Variants in PIP4K2A observed in about 807,000 individuals in gnomAD.
PIP4K2A encodes the protein phosphatidylinositol 5-phosphate 4-kinase type-2 alpha.
In PIP4K2A, 14 loss-of-function variants were observed where a neutral mutation model predicts 42.9. That is an observed-to-expected ratio of 0.33 (90% CI 0.22 to 0.51). PIP4K2A has a LOEUF of 0.51. PIP4K2A is among the 20% of genes least tolerant of loss of function. The pLI is 0.97. For synonymous variants in PIP4K2A, 192 were observed against 192.2 expected (o/e 1.00, Z 0.01); for missense variants, 434 against 519.8 (o/e 0.83, Z 1.61).
In PIP4K2A at chr10:22,609,857, T is replaced by C. The variant is rs566141049; in HGVS notation, c.145-140A>G. The C allele has an allele frequency of 1.4e-4, 84 of 585,108 alleles. No homozygotes were observed. In the East Asian group the frequency reaches 2.4e-3, roughly 16 times the overall value. The allele number at this position is 585,108 out of a possible 1,614,324, so 36.2% of individuals were successfully genotyped here. ...CCCACCAACCCACCCTCCTTCCCTC[T>C]GCCATCATAATCTCTCTTCCTGCCT... On this transcript the variant is annotated intron_variant, in intron 1 of 9. Coordinates refer to ENST00000376573, the MANE Select transcript of PIP4K2A (RefSeq NM_005028.5).
chr10:22,618,854 T>C (rs1329844526), intron 1 of PIP4K2A, among the ~76,000 whole-genome samples: 1 of 152,222 alleles, frequency 6.6e-6, no homozygotes, highest in Non-Finnish European at 1.5e-5. Flanking sequence ...TCCAATTTGT[T>C]TGTAAAATGG....
intron 4 of PIP4K2A, among the ~76,000 whole-genome samples, chr10:22,584,964 G>A (rs901102802): frequency 1.3e-5 from 2 of 152,144 alleles, no homozygotes; most frequent in African/African-American, 4.8e-5. Context: ...ACTCACCGGG[G>A]GCACATGAGC....
rs545667431 is a variant in PIP4K2A, at chr10:22,636,220, C to G, written c.145-26503G>C. ...CTCAGGGAAGTACAGACACCCACCT[C>G]TGTCACCACAACTGATTTATTTTTC... On this transcript the variant is annotated intron_variant, in intron 1 of 9. Transcript: ENST00000376573. Among the ~76,000 whole-genome samples, 16 of 152,252 alleles carry G rather than the reference C, an allele frequency of 1.1e-4. No homozygotes were observed. In the South Asian group the frequency reaches 2.1e-3, roughly 20 times the overall value.
At chr10:22,594,087 G>A (rs898645535) in intron 3 of PIP4K2A, among the ~76,000 whole-genome samples, 2 of 152,178 alleles carry the variant, frequency 1.3e-5, no homozygotes, top group African/African-American at 4.8e-5. Flanking sequence ...GCAGGTCAGG[G>A]GTGGGGCATT....
At position 22,573,296 on chromosome 10, in the gene PIP4K2A, T is replaced by TA; in HGVS notation, c.639+14dup. The TA allele has an allele frequency of 3.1e-6, 5 of 1,609,354 alleles. No homozygotes were observed. The South Asian group carries it at 5.5e-5, about 18-fold the overall frequency. ...GCTTGAGTTACTTTACAAAAATTCA[T>TA]AAAATCAGTCTCACCTTTAAGTCGT... On this transcript the variant is annotated intron_variant, in intron 5 of 9. Transcript: ENST00000376573.
At chr10:22,568,205 AC>A (rs1836896416) in intron 5 of PIP4K2A, among the ~76,000 whole-genome samples, 2 of 152,170 alleles carry the variant, frequency 1.3e-5, no homozygotes, top group African/African-American at 2.4e-5. Context: ...GCAGTAACTT[AC>A]TCAACACTGG....
chr10:22,629,438 G>C (rs943502824), intron 1 of PIP4K2A, among the ~76,000 whole-genome samples: 1 of 152,042 alleles, frequency 6.6e-6, no homozygotes. Flanking sequence ...TTTTTATTTC[G>C]AGGAAAGCAA....
chr10:22,565,347 G>A (rs1221953316), intron 6 of PIP4K2A, among the ~76,000 whole-genome samples: 8 of 152,226 alleles, frequency 5.3e-5, no homozygotes, highest in African/African-American at 9.6e-5. Context: ...ACAGAAGAAC[G>A]TGGATTGTGA....
chr10:22,548,680 T>C (rs1048094435), intron 7 of PIP4K2A, among the ~76,000 whole-genome samples: 4 of 152,178 alleles, frequency 2.6e-5, no homozygotes, highest in African/African-American at 4.8e-5. Flanking sequence ...AACTAAACAT[T>C]CCTTAATGAA....
intron 1 of PIP4K2A, among the ~76,000 whole-genome samples, chr10:22,698,068 C>T (rs752219088): frequency 2.0e-5 from 3 of 152,040 alleles, no homozygotes; most frequent in South Asian, 2.1e-4. Context: ...TAGAGTCCGA[C>T]GAAGAAAAAC....
At chr10:22,640,704 C>T (rs770525050) in intron 1 of PIP4K2A, among the ~76,000 whole-genome samples, 9 of 152,170 alleles carry the variant, frequency 5.9e-5, no homozygotes, top group Non-Finnish European at 1.3e-4. Flanking sequence ...TCTCCTCCGC[C>T]TGGGAAAATG....
chr10:22,690,429 A>G (rs1839842812), intron 1 of PIP4K2A, among the ~76,000 whole-genome samples: 1 of 152,216 alleles, frequency 6.6e-6, no homozygotes, highest in Non-Finnish European at 1.5e-5. Context: ...GGAAATCATT[A>G]ACTCCACTAA....
intron 1 of PIP4K2A, among the ~76,000 whole-genome samples, chr10:22,710,711 T>C (rs1047818707): frequency 4.6e-5 from 7 of 152,196 alleles, no homozygotes; most frequent in African/African-American, 1.7e-4. Context: ...ACCTGACATT[T>C]TTGCCAAAGC....
rs1316766010 is a variant in PIP4K2A, at chr10:22,535,554, T to G, written c.*1647A>C. On this transcript the variant is annotated 3_prime_UTR_variant, in exon 10 of 10. Coordinates refer to ENST00000376573, the MANE Select transcript of PIP4K2A (RefSeq NM_005028.5). ...CAGTACGGCAGGGAGATCTGTTGAG[T>G]TGCAAGTAATAATTAAAGGGTCGAT... The G allele has an allele frequency of 6.6e-6, 1 of 152,204 alleles. No individual in the cohort carries two copies. The highest frequency in any genetic ancestry group is 1.5e-5 in the Non-Finnish European group (1 of 68,040). 9.4% of individuals were successfully genotyped at this position (152,204 alleles called of 1,614,324 possible). A position where few individuals can be genotyped will look rare whatever the true frequency, so the allele number is the denominator to read the frequency against.
At chr10:22,620,794 G>A (rs1295816818) in intron 1 of PIP4K2A, among the ~76,000 whole-genome samples, 2 of 152,188 alleles carry the variant, frequency 1.3e-5, no homozygotes, top group African/African-American at 4.8e-5. Flanking sequence ...GCCACCACAG[G>A]GCTCTGGTGC....
At chr10:22,557,453 CTTTG>C (rs1172030903) in intron 6 of PIP4K2A, among the ~76,000 whole-genome samples, 12 of 152,126 alleles carry the variant, frequency 7.9e-5, no homozygotes, top group Admixed American at 3.3e-4. Context: ...GAGTTAAATG[CTTTG>C]TTTGTTTGAA....
intron 1 of PIP4K2A, among the ~76,000 whole-genome samples, chr10:22,685,053 G>T (rs1286360532): frequency 6.6e-6 from 1 of 152,098 alleles, no homozygotes; most frequent in Non-Finnish European, 1.5e-5. Flanking sequence ...AACCACAGTA[G>T]ATCTGCCATG....
chr10:22,560,723 T>G (rs1836669787), intron 6 of PIP4K2A, among the ~76,000 whole-genome samples: 1 of 152,238 alleles, frequency 6.6e-6, no homozygotes, highest in South Asian at 2.1e-4. Flanking sequence ...GATCTTCTTA[T>G]TGTGACCCTA....
chr10:22,634,825 T>C (rs1191887426), intron 1 of PIP4K2A, among the ~76,000 whole-genome samples: 1 of 152,194 alleles, frequency 6.6e-6, no homozygotes, highest in African/African-American at 2.4e-5. Context: ...TGACCTTTAC[T>C]AGGCTGTAAA....
Sources: allele counts gnomAD v4.1 joint callset (sites outside exome capture counted in the v4.1 genomes callset), GRCh38; gene constraint gnomAD v4.1.1; transcripts MANE v1.5; gene names NCBI Gene and HGNC (gene_info 2026-07-23, HGNC 2026-07-21).